Variants in RAP1GAP2 observed in about 807,000 individuals in gnomAD.
The protein encoded by RAP1GAP2 is rap1 GTPase-activating protein 2.
A neutral mutation model predicts 95.0 loss-of-function variants in RAP1GAP2; 27 were observed. The observed-to-expected ratio is 0.28, with a 90% CI of 0.21 to 0.39. RAP1GAP2 has a LOEUF of 0.39. Ranked by LOEUF, RAP1GAP2 falls within the 10% of genes least tolerant of loss-of-function variation. RAP1GAP2 has a pLI of 1.00. For synonymous variants in RAP1GAP2, 373 were observed against 380.9 expected (o/e 0.98, Z 0.24); for missense variants, 771 against 970.0 (o/e 0.79, Z 2.72).
intron 4 of RAP1GAP2, 140 bp from the exon 5 acceptor site, chr17:2,962,530 T>G (rs953402012): frequency 2.4e-6 from 2 of 833,764 alleles, no homozygotes; most frequent in Non-Finnish European, 3.7e-6. Context: ...CCTGGCCAGG[T>G]GTGATGTGTG....
intron 2 of RAP1GAP2, among the ~76,000 whole-genome samples, chr17:2,887,264 C>A (rs1243545116): frequency 6.6e-6 from 1 of 151,590 alleles, no homozygotes; most frequent in Non-Finnish European, 1.5e-5. Flanking sequence ...CCCCATATTG[C>A]CCAGGCTGGT....
intron 2 of RAP1GAP2, among the ~76,000 whole-genome samples, chr17:2,885,397 T>G (rs537926725): frequency 5.3e-5 from 8 of 152,336 alleles, no homozygotes; most frequent in African/African-American, 1.9e-4. Context: ...GGGGCACTGA[T>G]GCAACAGAGC....
chr17:2,892,454 G>C (rs888905678), intron 2 of RAP1GAP2, among the ~76,000 whole-genome samples: 1 of 152,120 alleles, frequency 6.6e-6, no homozygotes, highest in Non-Finnish European at 1.5e-5. Flanking sequence ...CCTCATCTTG[G>C]GTGGCTCAGA....
At chr17:3,023,512 G>T (rs1472760721) in intron 19 of RAP1GAP2, among the ~76,000 whole-genome samples, 1 of 152,210 alleles carries the variant, frequency 6.6e-6, no homozygotes, top group African/African-American at 2.4e-5. Flanking sequence ...CAGGACAAGA[G>T]GCAGGGTTAT....
intron 3 of RAP1GAP2, among the ~76,000 whole-genome samples, chr17:2,921,842 G>A (rs780442497): frequency 2.0e-5 from 3 of 152,112 alleles, no homozygotes; most frequent in African/African-American, 7.2e-5. Context: ...GCTCCAGGCC[G>A]GGGACTGCAC....
chr17:3,011,556 AC>A (rs1427692315), intron 17 of RAP1GAP2, among the ~76,000 whole-genome samples: 1 of 149,516 alleles, frequency 6.7e-6, no homozygotes, highest in African/African-American at 2.5e-5. Flanking sequence ...AACAAGTGAT[AC>A]CTGAAATGTT....
chr17:2,765,433 A>G (rs543128432), intron 1 of RAP1GAP2, among the ~76,000 whole-genome samples: 39 of 151,712 alleles, frequency 2.6e-4, no homozygotes, highest in African/African-American at 9.2e-4. Context: ...TGGGCAACAT[A>G]TTGAGACCCT....
Position 2,963,373 on chromosome 17 carries a change from T to C in RAP1GAP2, c.247-57T>C. ...CCCTTGCAAGACCTGGAAACAGTGG[T>C]CAGACTTTACGGGCACTGCCGGGAC... On this transcript the variant is annotated intron_variant, in intron 5 of 24. Transcript: ENST00000254695. This position sits in a 1 kb window ranked among gnomAD's most constrained non-coding sequence, Gnocchi z 4.8. 1 of 1,606,712 alleles carries C rather than the reference T, an allele frequency of 6.2e-7. No individual in the cohort carries two copies. Among genetic ancestry groups the C allele is most frequent in the Admixed American group, 1.7e-5 (1 of 59,852 alleles).
chr17:2,768,552 C>T (rs1271298567), intron 1 of RAP1GAP2, among the ~76,000 whole-genome samples: 4 of 151,896 alleles, frequency 2.6e-5, no homozygotes, highest in Non-Finnish European at 2.9e-5. Flanking sequence ...ATTAGCTGGG[C>T]ATGGTGGTGG....
intron 2 of RAP1GAP2, among the ~76,000 whole-genome samples, chr17:2,841,926 G>A (rs2071388158): frequency 6.6e-6 from 1 of 152,226 alleles, no homozygotes; most frequent in African/African-American, 2.4e-5. Flanking sequence ...GTTTCTGGCA[G>A]GCAGGTGAGG....
At position 2,892,150 on chromosome 17, in the gene RAP1GAP2, A is replaced by G. The variant is rs1375696706; in HGVS notation, c.81-13134A>G. On this transcript the variant is annotated intron_variant, in intron 2 of 24. Coordinates refer to ENST00000254695, the MANE Select transcript of RAP1GAP2 (RefSeq NM_015085.5). ...AGATTCCTATTTCTCTGTATATGGT[A>G]TGTATTTATATTTTCTCTCTGGTGT... 2.0e-5 allele frequency among the ~76,000 whole-genome samples: 3 copies of G among 152,032 alleles called. No homozygotes were observed. In the South Asian group the frequency reaches 6.2e-4, roughly 32 times the overall value.
chr17:2,930,969 C>CA (rs1463090356), intron 3 of RAP1GAP2, among the ~76,000 whole-genome samples: 2 of 151,772 alleles, frequency 1.3e-5, no homozygotes, highest in Non-Finnish European at 2.9e-5. Flanking sequence ...ACTAAACATA[C>CA]AAAAAAACTA....
chr17:2,761,120 A>C (rs540943672), intron 1 of RAP1GAP2, among the ~76,000 whole-genome samples: 18 of 149,716 alleles, frequency 1.2e-4, no homozygotes, highest in Admixed American at 1.1e-3. Flanking sequence ...ATGCCTAATT[A>C]ATTTTTGTAT....
At chr17:2,822,261 T>C (rs9895147) in intron 2 of RAP1GAP2, among the ~76,000 whole-genome samples, 29,027 of 152,012 alleles carry the variant, frequency 0.19, 4,276 homozygotes, top group African/African-American at 0.42. Flanking sequence ...GCCTCATTCA[T>C]GCTCAGAAAC....
intron 3 of RAP1GAP2, among the ~76,000 whole-genome samples, chr17:2,908,698 C>T (rs1278792089): frequency 6.6e-6 from 1 of 151,968 alleles, no homozygotes; most frequent in Non-Finnish European, 1.5e-5. Flanking sequence ...GATTAGGATT[C>T]AATTCTTCTT....
At chr17:2,993,220 A>T (rs1362777983) in intron 12 of RAP1GAP2, among the ~76,000 whole-genome samples, 38 of 107,566 alleles carry the variant, frequency 3.5e-4, no homozygotes, top group African/African-American at 1.5e-3. Flanking sequence ...AGACTCTGTC[A>T]AAAAAAAAAA....
At chr17:2,978,691 T>C (rs1597784095) in intron 8 of RAP1GAP2, among the ~76,000 whole-genome samples, 1 of 151,522 alleles carries the variant, frequency 6.6e-6, no homozygotes, top group Non-Finnish European at 1.5e-5. Flanking sequence ...CCCAGCACTT[T>C]GGGAGGCGGA....
At chr17:3,017,641 C>A (rs2046812994) in intron 17 of RAP1GAP2, among the ~76,000 whole-genome samples, 1 of 152,194 alleles carries the variant, frequency 6.6e-6, no homozygotes, top group Non-Finnish European at 1.5e-5. Context: ...GGGTGTGAAA[C>A]ATAGAATTCC....
chr17:2,894,570 C>A (rs980067843), intron 2 of RAP1GAP2, among the ~76,000 whole-genome samples: 2 of 152,022 alleles, frequency 1.3e-5, no homozygotes, highest in Non-Finnish European at 2.9e-5. Context: ...TGTTCTGATC[C>A]CATTTGGGTG....
Sources: gnomAD v4.1 joint callset for allele counts (sites outside exome capture counted in the v4.1 genomes callset) on GRCh38, gnomAD v4.1.1 for gene constraint, Gnocchi (gnomAD v3.1) non-coding constraint, MANE v1.5 for transcripts, NCBI Gene and HGNC (gene_info 2026-07-23, HGNC 2026-07-21) for gene names.